COL22A1: variants seen among roughly 807,000 people sequenced by gnomAD.
COL22A1 encodes collagen type XXII alpha 1 chain.
A neutral mutation model predicts 248.9 loss-of-function variants in COL22A1; 221 were observed. The ratio of observed to expected loss-of-function variants is 0.89; its 90% CI spans 0.80 to 0.99. The LOEUF is 0.99. Among genes scored for constraint, COL22A1 ranks in the 50% least tolerant of loss-of-function variants. COL22A1 has a pLI of 0.00. For missense variants in COL22A1, 2,240 were observed against 2,179.0 expected (o/e 1.03, Z -0.56); for synonymous variants, 891 against 793.4 (o/e 1.12, Z -2.07).
chr8:138,702,495 T>A (rs1828047021), intron 31 of COL22A1, among the ~76,000 whole-genome samples: 1 of 151,988 alleles, frequency 6.6e-6, no homozygotes, highest in African/African-American at 2.4e-5. Flanking sequence ...GGCCAGTAAC[T>A]GGCCAACTCC....
At chr8:138,816,798 T>C (rs546846907) in intron 7 of COL22A1, among the ~76,000 whole-genome samples, 4 of 152,238 alleles carry the variant, frequency 2.6e-5, no homozygotes, top group Admixed American at 6.5e-5. Context: ...CCACAGCTGA[T>C]GCTTCTGGAA....
intron 63 of COL22A1, among the ~76,000 whole-genome samples, chr8:138,592,928 T>G (rs190090246): frequency 9.2e-4 from 140 of 152,346 alleles, no homozygotes; most frequent in African/African-American, 3.1e-3. Flanking sequence ...GTATGTTTAT[T>G]GCAGCACTAT....
At chr8:138,691,591 G>A (rs1388280806) in intron 35 of COL22A1, among the ~76,000 whole-genome samples, 2 of 151,714 alleles carry the variant, frequency 1.3e-5, no homozygotes, top group Non-Finnish European at 2.9e-5. Flanking sequence ...GTGCATTTGT[G>A]AAGGTGTGTG....
Position 138,598,704 on chromosome 8 carries a change from T to A in COL22A1, c.4365+15A>T. The A allele has an allele frequency of 6.2e-7, 1 of 1,608,340 alleles. No homozygotes were observed. The highest frequency in any genetic ancestry group is 8.5e-7 in the Non-Finnish European group (1 of 1,177,808). On this transcript the variant is annotated intron_variant, in intron 61 of 64. Transcript: ENST00000303045. ...CCGAGGAGCCCCGAGTCCAAAGCCA[T>A]ATTAGCATCCTTACCCTCAGTCCTG...
chr8:138,792,369 G>A (rs574287903), intron 12 of COL22A1, among the ~76,000 whole-genome samples: 12 of 152,322 alleles, frequency 7.9e-5, no homozygotes, highest in South Asian at 4.1e-4. Flanking sequence ...ATAGCCTCCC[G>A]GCTCTGAGAC....
chr8:138,882,547 C>T (rs1371605946), intron 2 of COL22A1, among the ~76,000 whole-genome samples: 2 of 147,158 alleles, frequency 1.4e-5, no homozygotes, highest in African/African-American at 2.6e-5. Context: ...CCCCCACATG[C>T]TCCCTCAAAC....
chr8:138,655,917 C>A lies in COL22A1; in HGVS notation c.3313G>T (p.Asp1105Tyr). The change falls in exon 45 of 65, where the codon GAC becomes TAC. Residue 1105 changes from aspartate to tyrosine, a missense_variant. Asp to Tyr is a radical substitution (Grantham distance 160). Transcript: ENST00000303045. The stretch of plus-strand genomic sequence containing the variant: ...TTTACCTTAGCCAAGAGATTTATGT[C>A]CCCTGGAGACAGTAGTGAAGAGAGG... Reference protein sequence around the residue: ...PGLSSLLSPGDINLLAKDVCN... With the variant: ...PGLSSLLSPGYINLLAKDVCN... 1.2e-6 allele frequency: 2 copies of A among 1,612,750 alleles called. No homozygotes were observed.
At chr8:138,821,469 G>A in intron 6 of COL22A1, 58 bp from the exon 7 acceptor site, 1 of 1,548,928 alleles carries the variant, frequency 6.5e-7, no homozygotes, top group Non-Finnish European at 8.8e-7. Context: ...GAAAAGGAGA[G>A]AATGGGAAAC....
chr8:138,613,941 T>G lies in COL22A1; in HGVS notation c.3925-21A>C, dbSNP rs181623768. Reference sequence around the variant, plus strand: ...TCACCCTGGAACAAAGACAGAGAGATGGTGTCATCATCAAGTCACTGTGTG... The same window carrying G: ...TCACCCTGGAACAAAGACAGAGAGAGGGTGTCATCATCAAGTCACTGTGTG... On this transcript the variant is annotated intron_variant, in intron 55 of 64. Transcript: ENST00000303045. 108 of 1,586,918 alleles carry G rather than the reference T, an allele frequency of 6.8e-5. 1 individual carries two copies. In the East Asian group the frequency reaches 1.1e-3, roughly 16 times the overall value.
At chr8:138,900,309 A>C (rs1182676262) in intron 1 of COL22A1, among the ~76,000 whole-genome samples, 1 of 152,194 alleles carries the variant, frequency 6.6e-6, no homozygotes, top group Non-Finnish European at 1.5e-5. Flanking sequence ...TGGTCCTTCT[A>C]AAGAGCAATA....
intron 63 of COL22A1, among the ~76,000 whole-genome samples, chr8:138,592,621 G>C (rs1026457876): frequency 1.3e-5 from 2 of 152,244 alleles, no homozygotes; most frequent in African/African-American, 4.8e-5. Context: ...GTAAGAAAAT[G>C]GGAGATCAAA....
chr8:138,636,884 A>G, intron 47 of COL22A1, 89 bp from the exon 48 acceptor site: 7 of 1,099,218 alleles, frequency 6.4e-6, no homozygotes, highest in Non-Finnish European at 9.7e-6. Context: ...TCATCCATTC[A>G]TTAATTCTCC....
intron 45 of COL22A1, among the ~76,000 whole-genome samples, chr8:138,653,037 G>A (rs564695620): frequency 2.0e-5 from 3 of 152,056 alleles, no homozygotes; most frequent in Admixed American, 6.5e-5. Flanking sequence ...ATGAGCCATC[G>A]CACCCCGCCG....
At chr8:138,859,396 C>T (rs908341022) in intron 3 of COL22A1, among the ~76,000 whole-genome samples, 6 of 152,190 alleles carry the variant, frequency 3.9e-5, no homozygotes, top group East Asian at 3.9e-4. Flanking sequence ...CTCAGGTCAG[C>T]GGACAGAACG....
At chr8:138,839,730 AAG>A (rs1399233360) in intron 4 of COL22A1, among the ~76,000 whole-genome samples, 2 of 152,078 alleles carry the variant, frequency 1.3e-5, no homozygotes, top group Non-Finnish European at 2.9e-5. Flanking sequence ...CCCAAGTGGG[AAG>A]AGAGAGACAT....
intron 22 of COL22A1, among the ~76,000 whole-genome samples, chr8:138,747,798 T>G (rs1325927795): frequency 6.6e-6 from 1 of 151,746 alleles, no homozygotes; most frequent in African/African-American, 2.4e-5. Flanking sequence ...GATGAATTTG[T>G]GGAAGGAAAG....
intron 35 of COL22A1, among the ~76,000 whole-genome samples, 159 bp downstream of exon 35, chr8:138,693,486 CT>C (rs1426287672): frequency 6.6e-6 from 1 of 152,208 alleles, no homozygotes; most frequent in Non-Finnish European, 1.5e-5. Flanking sequence ...GCCAGAACCT[CT>C]CTCCGTGCTG....
At chr8:138,704,540 TC>T (rs1207828354) in intron 30 of COL22A1, among the ~76,000 whole-genome samples, 2 of 151,968 alleles carry the variant, frequency 1.3e-5, no homozygotes, top group African/African-American at 2.4e-5. Context: ...CCAGAAAACT[TC>T]AACAGACCTG....
chr8:138,866,019 CTG>C (rs140650118), intron 3 of COL22A1, among the ~76,000 whole-genome samples: 4 of 150,820 alleles, frequency 2.7e-5, no homozygotes, highest in African/African-American at 4.9e-5. Context: ...TTGTATGACT[CTG>C]TGTGTGTGTG....
Sources: allele counts gnomAD v4.1 joint callset (sites outside exome capture counted in the v4.1 genomes callset), GRCh38; gene constraint gnomAD v4.1.1; transcripts MANE v1.5; gene names NCBI Gene and HGNC (gene_info 2026-07-23, HGNC 2026-07-21).